Variants in RP1 observed in about 807,000 individuals in gnomAD.
The protein encoded by RP1 is RP1 axonemal microtubule associated, also known as oxygen-regulated protein 1.
A neutral mutation model predicts 14.8 loss-of-function variants in RP1; 16 were observed. That is an observed-to-expected ratio of 1.08 (90% confidence interval 0.73 to 1.65). RP1 has a LOEUF of 1.65. Among genes scored for constraint, RP1 ranks in the 40% most tolerant of loss-of-function variants. The probability of loss-of-function intolerance (pLI) is 0.00; values close to 1 mark genes in which losing one functional copy is unlikely to be tolerated. For missense variants in RP1, 2,631 were observed against 2,535.0 expected (o/e 1.04, Z -0.81); for synonymous variants, 876 against 883.6 (o/e 0.99, Z 0.15).
intron 1 of RP1, among the ~76,000 whole-genome samples, chr8:54,618,254 C>T (rs1331187837): frequency 6.6e-6 from 1 of 152,154 alleles, no homozygotes; most frequent in Non-Finnish European, 1.5e-5. Context: ...AAAACCAATG[C>T]TCAGGGCTGG....
intron 3 of RP1, among the ~76,000 whole-genome samples, chr8:54,641,186 C>G (rs1245100587): frequency 2.0e-5 from 3 of 152,048 alleles, no homozygotes; most frequent in African/African-American, 7.2e-5. Flanking sequence ...ACCTTGTGAT[C>G]TGCCCTCCTC....
chr8:54,606,551 G>A (rs1214798703), intron 1 of RP1, among the ~76,000 whole-genome samples: 1 of 152,096 alleles, frequency 6.6e-6, no homozygotes, highest in Non-Finnish European at 1.5e-5. Flanking sequence ...GAGTATCTTT[G>A]TGGTGTTCTC....
At chr8:54,673,962 T>C in intron 8 of RP1, 2 of 1,454,296 alleles carry the variant, frequency 1.4e-6, no homozygotes, top group Non-Finnish European at 1.9e-6. Flanking sequence ...CATGAAGGTC[T>C]GATTCCATTC....
intron 17 of RP1, among the ~76,000 whole-genome samples, chr8:54,730,345 A>G (rs1421101629): frequency 6.6e-6 from 1 of 151,994 alleles, no homozygotes; most frequent in Non-Finnish European, 1.5e-5. Flanking sequence ...GTATATTCTC[A>G]TCTGTGTCAA....
chr8:54,723,648 C>T (rs964074457), intron 16 of RP1, among the ~76,000 whole-genome samples: 19 of 152,056 alleles, frequency 1.2e-4, no homozygotes, highest in African/African-American at 3.9e-4. Flanking sequence ...ATTGATTATC[C>T]GGATATGTGG....
At chr8:54,839,291 G>T (rs2129403844) in intron 25 of RP1, among the ~76,000 whole-genome samples, 1 of 152,178 alleles carries the variant, frequency 6.6e-6, no homozygotes, top group South Asian at 2.1e-4. Flanking sequence ...CCTGCCTAGA[G>T]CCCCAGTGCT....
At chr8:54,754,136 G>A (rs1809441274) in intron 19 of RP1, among the ~76,000 whole-genome samples, 1 of 152,178 alleles carries the variant, frequency 6.6e-6, no homozygotes, top group African/African-American at 2.4e-5. Context: ...GTCTGTGGAG[G>A]ATTCACTGGG....
intron 24 of RP1, among the ~76,000 whole-genome samples, chr8:54,833,998 C>G (rs986235453): frequency 6.6e-6 from 1 of 151,980 alleles, no homozygotes; most frequent in Non-Finnish European, 1.5e-5. Flanking sequence ...TTAAAGCAGT[C>G]TATTCTCTGC....
Position 54,629,027 on chromosome 8 carries a change from G to A in RP1, c.5145G>A (p.Arg1715=). The change falls in exon 4 of 4, where the codon AGG becomes AGA. Residue 1715 remains arginine, a synonymous_variant. Transcript: ENST00000220676. The part of the protein sequence containing the change: ...DVSAVRDNYC[R]GDIVEPGTKQ... ...GTGCTGTGAGGGACAATTATTGTAGGGGTGACATTGTAGAACCTGGTACAA... is the reference window on the plus strand; with the variant it reads ...GTGCTGTGAGGGACAATTATTGTAGAGGTGACATTGTAGAACCTGGTACAA... The A allele has an allele frequency of 6.2e-7, 1 of 1,614,064 alleles. No individual in the cohort carries two copies. Among genetic ancestry groups the A allele is most frequent in the Non-Finnish European group, 8.5e-7 (1 of 1,179,958 alleles).
intron 26 of RP1, among the ~76,000 whole-genome samples, chr8:54,853,742 AAGAAAGAAAGAGAGAG>A (rs1383426936): frequency 1.4e-5 from 1 of 73,196 alleles, no homozygotes. Context: ...AAAAGAGAGA[AAGAAAGAAAGAGAGAG>A]AGAAAGAAAG....
In RP1 at chr8:54,678,514, G is replaced by A. The variant is rs764390891; in HGVS notation, c.1456G>A (p.Glu486Lys). 19 of 1,533,344 alleles carry A rather than the reference G, an allele frequency of 1.2e-5. No individual in the cohort carries two copies. The highest frequency in any genetic ancestry group is 4.9e-5 in the East Asian group (2 of 40,640). 95.0% of individuals were successfully genotyped at this position (1,533,344 alleles called of 1,614,324 possible). The change falls in exon 9 of 23, where the codon GAA becomes AAA. Residue 486 changes from glutamate (E) to lysine (K), a missense_variant. Transcript: ENST00000636932. ...TATCAAGGATCCCACAACAAATTAC[G>A]AATATGCCTTCTTCTGTCACAGGTT...
chr8:54,812,797 CTATCTATCT>C (rs1192856298), intron 24 of RP1, among the ~76,000 whole-genome samples: 1 of 150,530 alleles, frequency 6.6e-6, no homozygotes, highest in African/African-American at 2.5e-5. Flanking sequence ...ATCTATCTAT[CTATCTATCT>C]ATCTCTCCGT....
chr8:54,605,400 G>C (rs954619226), intron 1 of RP1, among the ~76,000 whole-genome samples: 3 of 152,202 alleles, frequency 2.0e-5, no homozygotes, highest in African/African-American at 7.2e-5. Context: ...TGTGGTCTGA[G>C]AGAGAGTTTG....
At chr8:54,803,345 G>A (rs1423526305) in intron 24 of RP1, among the ~76,000 whole-genome samples, 10 of 152,176 alleles carry the variant, frequency 6.6e-5, no homozygotes, top group African/African-American at 2.4e-4. Context: ...AGATGTCACA[G>A]ATGAACACGG....
intron 25 of RP1, among the ~76,000 whole-genome samples, chr8:54,838,992 G>A (rs564744081): frequency 4.1e-4 from 63 of 152,286 alleles, no homozygotes; most frequent in African/African-American, 1.5e-3. Flanking sequence ...ACAGTATACA[G>A]CAGTGTTCTT....
At chr8:54,575,334 C>T (rs778255764) in intron 1 of RP1, among the ~76,000 whole-genome samples, 1 of 152,118 alleles carries the variant, frequency 6.6e-6, no homozygotes, top group South Asian at 2.1e-4. Flanking sequence ...CAGCAGTGCA[C>T]TTGATAACTG....
At chr8:54,566,733 C>T (rs1439855832) in intron 1 of RP1, among the ~76,000 whole-genome samples, 1 of 152,140 alleles carries the variant, frequency 6.6e-6, no homozygotes. Context: ...AGCGCCACTG[C>T]TACCACCAGA....
At chr8:54,765,099 A>T (rs1391170403) in intron 22 of RP1, among the ~76,000 whole-genome samples, 10 of 152,244 alleles carry the variant, frequency 6.6e-5, no homozygotes, top group Admixed American at 5.2e-4. Flanking sequence ...CTCACACACC[A>T]GCAGGCCGCA....
At chr8:54,840,428 T>C (rs1378482415) in intron 25 of RP1, among the ~76,000 whole-genome samples, 1 of 151,960 alleles carries the variant, frequency 6.6e-6, no homozygotes, top group Non-Finnish European at 1.5e-5. Context: ...AATTTTTGCA[T>C]TTTTAGTAGA....
Sources: allele counts gnomAD v4.1 joint callset (sites outside exome capture counted in the v4.1 genomes callset), GRCh38; gene constraint gnomAD v4.1.1; transcripts MANE v1.5; gene names NCBI Gene and HGNC (gene_info 2026-07-23, HGNC 2026-07-21).